UROC1: variants seen among roughly 807,000 people sequenced by gnomAD.
The protein encoded by UROC1 is urocanate hydratase.
In UROC1, 79 loss-of-function variants were observed where a neutral mutation model predicts 89.5. That is an observed-to-expected ratio of 0.88 (90% CI 0.74 to 1.06). The LOEUF is 1.06. Among genes scored for constraint, UROC1 ranks in the 50% least tolerant of loss-of-function variants. The pLI is 0.00. For missense variants in UROC1, 885 were observed against 907.8 expected (o/e 0.97, Z 0.32); for synonymous variants, 361 against 354.8 (o/e 1.02, Z -0.20).
intron 17 of UROC1, 33 bp from the exon 18 acceptor site, chr3:126,488,312 C>T (rs370253598): frequency 9.2e-5 from 148 of 1,612,854 alleles, no homozygotes; most frequent in Admixed American, 1.2e-4. Context: ...GCTCATCACC[C>T]CCTGCACTGG....
chr3:126,485,924 A>C, intron 18 of UROC1, among the ~76,000 whole-genome samples: 1 of 152,164 alleles, frequency 6.6e-6, no homozygotes, highest in East Asian at 1.9e-4. Flanking sequence ...CACCAACAAA[A>C]CTGCAGAGGA....
chr3:126,501,936 C>T, intron 9 of UROC1: 1 of 1,595,872 alleles, frequency 6.3e-7, no homozygotes, highest in Non-Finnish European at 8.5e-7. Context: ...GTTGCAATCC[C>T]AGCTGAAGGA....
At position 126,500,887 on chromosome 3, in the gene UROC1, T is replaced by C. The variant is rs771773181; in HGVS notation, c.966-13A>G. On this transcript the variant is annotated splice_polypyrimidine_tract_variant and intron_variant, in intron 10 of 19. Transcript: ENST00000290868. The stretch of plus-strand genomic sequence containing the variant: ...GACCAGGCGCTCCCTGGGGAAGCCA[T>C]GCGGTGGTCAGTGCAAGCCACACAC... 4 of 1,613,168 alleles carry C rather than the reference T, an allele frequency of 2.5e-6. No homozygotes were observed. In the South Asian group the frequency reaches 3.3e-5, roughly 13 times the overall value.
Position 126,500,131 on chromosome 3 carries a change from A to G in UROC1, c.1169T>C (p.Ile390Thr). The G allele has an allele frequency of 6.2e-7, 1 of 1,613,878 alleles. No homozygotes were observed. Among genetic ancestry groups the G allele is most frequent in the Non-Finnish European group, 8.5e-7 (1 of 1,179,970 alleles). The change falls in exon 12 of 20, where the codon ATC becomes ACC. Residue 390 changes from isoleucine (I) to threonine (T), a missense_variant. Coordinates refer to ENST00000290868, the MANE Select transcript of UROC1 (RefSeq NM_144639.3). The part of the protein sequence containing the change: ...QESLRRQVSA[I>T]NRLAEEKFFF... ...GAACTTCTCCTCGGCCAACCTGTTGATGGCTGAGACTTGCCTCCTCAGGCT... is the reference window on the plus strand; with the variant it reads ...GAACTTCTCCTCGGCCAACCTGTTGGTGGCTGAGACTTGCCTCCTCAGGCT...
chr3:126,493,340 A>G (rs1251085639), intron 15 of UROC1, among the ~76,000 whole-genome samples: 2 of 152,140 alleles, frequency 1.3e-5, no homozygotes, highest in East Asian at 3.9e-4. Context: ...CAGCAGCATG[A>G]CAACAGCTGA....
intron 2 of UROC1, 136 bp from the exon 3 acceptor site, chr3:126,509,814 T>C (rs1936156724): frequency 4.7e-6 from 4 of 849,496 alleles, no homozygotes; most frequent in East Asian, 5.3e-5. Context: ...GAACGTACAG[T>C]GGGGGCTCCA....
chr3:126,511,622 G>T (rs1283946559), intron 1 of UROC1, among the ~76,000 whole-genome samples: 2 of 152,212 alleles, frequency 1.3e-5, no homozygotes, highest in Non-Finnish European at 2.9e-5. Context: ...TACAACAAAG[G>T]TTCTGTGAAA....
chr3:126,489,481 C>T (rs1413595263), intron 16 of UROC1, 106 bp from the exon 17 acceptor site: 1 of 889,330 alleles, frequency 1.1e-6, no homozygotes, highest in Non-Finnish European at 1.9e-6. Context: ...TGGATTTCTC[C>T]TCCTGGAAAA....
chr3:126,504,260 C>T (rs1279678807), intron 8 of UROC1, among the ~76,000 whole-genome samples, 177 bp from the exon 9 acceptor site: 2 of 152,174 alleles, frequency 1.3e-5, no homozygotes, highest in Admixed American at 1.3e-4. Context: ...CTTCTCCCAC[C>T]TCCCTTATAA....
chr3:126,515,322 G>C (rs1936278524), intron 1 of UROC1, among the ~76,000 whole-genome samples: 1 of 151,934 alleles, frequency 6.6e-6, no homozygotes, highest in African/African-American at 2.4e-5. Flanking sequence ...TGGGCCAAGG[G>C]GAGCAAAGGG....
At chr3:126,501,401 A>T (rs1035938663) in intron 9 of UROC1, 121 bp from the exon 10 acceptor site, 2 of 1,201,078 alleles carry the variant, frequency 1.7e-6, no homozygotes, top group African/African-American at 3.0e-5. Context: ...TGTTGTGTGC[A>T]AACGTGGGGG....
At chr3:126,497,381 T>C (rs565440268) in intron 14 of UROC1, among the ~76,000 whole-genome samples, 9 of 152,246 alleles carry the variant, frequency 5.9e-5, no homozygotes, top group African/African-American at 2.2e-4. Context: ...GAACAAAGGT[T>C]GGTTAAAACC....
chr3:126,490,641 C>T (rs1038334181), intron 16 of UROC1, among the ~76,000 whole-genome samples: 26 of 150,778 alleles, frequency 1.7e-4, no homozygotes, highest in African/African-American at 4.9e-4. Flanking sequence ...GCTGAGACCA[C>T]GCCTGGGCTA....
At position 126,482,024 on chromosome 3, in the gene UROC1, C is replaced by G. The variant is rs184093029; in HGVS notation, c.*321G>C. The G allele has an allele frequency of 2.6e-6, 1 of 382,298 alleles. No individual in the cohort carries two copies. Among genetic ancestry groups the G allele is most frequent in the African/African-American group, 2.0e-5 (1 of 49,078 alleles). The allele number at this position is 382,298 out of a possible 1,614,324, so 23.7% of individuals were successfully genotyped here. On this transcript the variant is annotated 3_prime_UTR_variant, in exon 20 of 20. Transcript: ENST00000290868. ...CCAGGAAGCAGAGGGTGTGATCATC[C>G]CAGCCGGAGAGAGCTTGACCAGTGT... is the stretch of plus-strand genomic sequence containing the variant.
intron 18 of UROC1, among the ~76,000 whole-genome samples, chr3:126,487,838 G>C (rs1260136416): frequency 1.3e-5 from 2 of 152,224 alleles, no homozygotes; most frequent in African/African-American, 2.4e-5. Flanking sequence ...AGAAGACCCT[G>C]GCCATGAAAG....
At chr3:126,500,967 AC>A in intron 10 of UROC1, 93 bp from the exon 11 acceptor site, 1 of 1,538,354 alleles carries the variant, frequency 6.5e-7, no homozygotes, top group Non-Finnish European at 8.9e-7. Context: ...ACATTTTCCC[AC>A]CCACAAATCC....
intron 18 of UROC1, among the ~76,000 whole-genome samples, chr3:126,487,924 A>G (rs796582): frequency 0.92 from 140,085 of 152,288 alleles, 64,706 homozygotes; most frequent in East Asian, 0.98. Context: ...GACATGAGGA[A>G]GGCGGCTGCC....
intron 18 of UROC1, among the ~76,000 whole-genome samples, chr3:126,485,594 TATTTA>T (rs1560114735): frequency 1.0e-4 from 12 of 114,792 alleles, no homozygotes; most frequent in Non-Finnish European, 1.2e-4. Flanking sequence ...CCCATTTATT[TATTTA>T]TTTTTTTTTG....
At chr3:126,487,508 CT>C (rs1560115583) in intron 18 of UROC1, among the ~76,000 whole-genome samples, 1 of 152,218 alleles carries the variant, frequency 6.6e-6, no homozygotes, top group Non-Finnish European at 1.5e-5. Context: ...GGACTTGGCT[CT>C]GGAGGGCAGG....
Sources: gnomAD v4.1 joint callset for allele counts (sites outside exome capture counted in the v4.1 genomes callset) on GRCh38, gnomAD v4.1.1 for gene constraint, MANE v1.5 for transcripts, NCBI Gene and HGNC (gene_info 2026-07-23, HGNC 2026-07-21) for gene names.